Variants in PDE4B observed in about 807,000 individuals in gnomAD.
PDE4B encodes the protein phosphodiesterase 4B.
PDE4B carries 20 observed loss-of-function variants against 82.2 expected under a neutral mutation model. That is an observed-to-expected ratio of 0.24 (90% confidence interval 0.17 to 0.35). The LOEUF is 0.35. Among genes scored for constraint, PDE4B ranks in the 10% least tolerant of loss-of-function variants. PDE4B has a pLI of 1.00. For synonymous variants in PDE4B, 320 were observed against 318.9 expected (o/e 1.00, Z -0.04); for missense variants, 655 against 907.2 (o/e 0.72, Z 3.57).
intron 1 of PDE4B, among the ~76,000 whole-genome samples, chr1:65,839,281 A>G (rs1454415019): frequency 6.6e-6 from 1 of 150,492 alleles, no homozygotes; most frequent in Non-Finnish European, 1.5e-5. Context: ...TTCTCCTATT[A>G]TCTTTTTCTT....
chr1:65,935,129 A>G (rs1163920332), intron 3 of PDE4B, among the ~76,000 whole-genome samples: 7 of 152,188 alleles, frequency 4.6e-5, no homozygotes, highest in Non-Finnish European at 8.8e-5. Context: ...AATTCTTAGT[A>G]AAATTAATAG....
intron 3 of PDE4B, among the ~76,000 whole-genome samples, chr1:65,929,393 A>G (rs942118336): frequency 2.0e-5 from 3 of 152,162 alleles, no homozygotes; most frequent in African/African-American, 7.2e-5. Flanking sequence ...GTGTCTTCCC[A>G]CATGTTCCTG....
intron 3 of PDE4B, among the ~76,000 whole-genome samples, chr1:66,191,230 C>T (rs115421070): frequency 0.019 from 2,946 of 152,112 alleles, 51 homozygotes; most frequent in Non-Finnish European, 0.03. Context: ...GACTCCAGTA[C>T]CTAATGGAGA....
chr1:65,901,071 T>G (rs1646967041), intron 1 of PDE4B, among the ~76,000 whole-genome samples: 1 of 152,140 alleles, frequency 6.6e-6, no homozygotes, highest in Admixed American at 6.6e-5. Flanking sequence ...GCCCATTCAG[T>G]ATGCTGTTGG....
At chr1:66,207,076 C>A (rs1183876078) in intron 3 of PDE4B, among the ~76,000 whole-genome samples, 1 of 152,172 alleles carries the variant, frequency 6.6e-6, no homozygotes, top group Admixed American at 6.5e-5. Context: ...AGTAATGGAA[C>A]TGACTAAATA....
At chr1:66,207,112 T>G (rs1216394782) in intron 3 of PDE4B, among the ~76,000 whole-genome samples, 1 of 152,208 alleles carries the variant, frequency 6.6e-6, no homozygotes, top group Non-Finnish European at 1.5e-5. Flanking sequence ...GCAAAATTTT[T>G]CAAATTCTTG....
chr1:66,185,084 G>A (rs1000419053), intron 3 of PDE4B, among the ~76,000 whole-genome samples: 6 of 152,018 alleles, frequency 3.9e-5, no homozygotes, highest in Admixed American at 1.3e-4. Flanking sequence ...GTGAGAACAT[G>A]CGGTGTTTGG....
chr1:66,128,589 G>C (rs1338905944), intron 3 of PDE4B, among the ~76,000 whole-genome samples: 1 of 152,024 alleles, frequency 6.6e-6, no homozygotes, highest in East Asian at 1.9e-4. Context: ...TTTGATGTTG[G>C]ACATAACTTC....
intron 3 of PDE4B, among the ~76,000 whole-genome samples, chr1:66,197,095 G>A (rs1648382388): frequency 6.6e-6 from 1 of 152,010 alleles, no homozygotes; most frequent in Non-Finnish European, 1.5e-5. Context: ...ATTGAAGTCT[G>A]GATCTGTTTA....
chr1:66,177,490 G>A (rs1022102294), intron 3 of PDE4B, among the ~76,000 whole-genome samples: 13 of 152,184 alleles, frequency 8.5e-5, no homozygotes, highest in African/African-American at 2.7e-4. Context: ...TCTGACAAGC[G>A]TTGGTCTTTG....
intron 1 of PDE4B, among the ~76,000 whole-genome samples, chr1:65,897,958 A>G (rs1342253002): frequency 6.6e-6 from 1 of 152,112 alleles, no homozygotes; most frequent in Non-Finnish European, 1.5e-5. Context: ...CCAACAGTGT[A>G]TATAAGCCTT....
chr1:66,285,177 C>T lies in PDE4B; in HGVS notation c.634+19090C>T, dbSNP rs578040439. On this transcript the variant is annotated intron_variant, in intron 7 of 16. Transcript: ENST00000341517. Reference sequence around the variant, plus strand: ...TCCTTGTAATGTTTAAGCCTCAAAACAACTCTGTGAGTTCTTAAAAAGGTA... The same window carrying T: ...TCCTTGTAATGTTTAAGCCTCAAAATAACTCTGTGAGTTCTTAAAAAGGTA... Among the ~76,000 whole-genome samples the T allele has an allele frequency of 5.9e-5, 9 of 152,242 alleles. No homozygotes were observed. The South Asian group carries it at 1.9e-3, about 32-fold the overall frequency.
At chr1:65,804,412 A>T (rs796823738) in intron 1 of PDE4B, among the ~76,000 whole-genome samples, 8 of 152,212 alleles carry the variant, frequency 5.3e-5, no homozygotes, top group African/African-American at 1.9e-4. Context: ...CAGATTGTCA[A>T]CATTATTTTA....
intron 3 of PDE4B, among the ~76,000 whole-genome samples, chr1:66,104,684 A>G (rs1460861343): frequency 1.4e-4 from 21 of 148,098 alleles, no homozygotes; most frequent in Admixed American, 8.1e-4. Flanking sequence ...TTTCTCTGAT[A>G]GCCAGTGATG....
chr1:66,055,576 G>T (rs1325579019), intron 3 of PDE4B, among the ~76,000 whole-genome samples: 2 of 152,026 alleles, frequency 1.3e-5, no homozygotes, highest in Admixed American at 6.6e-5. Flanking sequence ...AGTATTGTAG[G>T]TCAGGAATAA....
chr1:66,123,623 A>C (rs572007282), intron 3 of PDE4B, among the ~76,000 whole-genome samples: 27 of 146,458 alleles, frequency 1.8e-4, no homozygotes, highest in African/African-American at 6.6e-4. Flanking sequence ...TGCTTCTGTT[A>C]AGCTGGCAAA....
At chr1:66,188,329 G>A (rs1176836650) in intron 3 of PDE4B, among the ~76,000 whole-genome samples, 1 of 150,784 alleles carries the variant, frequency 6.6e-6, no homozygotes, top group Non-Finnish European at 1.5e-5. Flanking sequence ...GGGGTGGAGA[G>A]TTCTGTAGAT....
intron 3 of PDE4B, among the ~76,000 whole-genome samples, chr1:65,997,006 TC>T (rs1230230260): frequency 6.6e-6 from 1 of 152,184 alleles, no homozygotes; most frequent in African/African-American, 2.4e-5. Flanking sequence ...TCACACAGTG[TC>T]CAGCTTTTAT....
At chr1:66,021,959 C>G (rs927250201) in intron 3 of PDE4B, among the ~76,000 whole-genome samples, 6 of 152,114 alleles carry the variant, frequency 3.9e-5, no homozygotes, top group African/African-American at 1.2e-4. Context: ...GAATGTTTTT[C>G]CATTTGTTTC....
Sources: allele counts gnomAD v4.1 joint callset (sites outside exome capture counted in the v4.1 genomes callset), GRCh38; gene constraint gnomAD v4.1.1; transcripts MANE v1.5; gene names NCBI Gene and HGNC (gene_info 2026-07-23, HGNC 2026-07-21).